Variants in BTBD17 observed in about 807,000 individuals in gnomAD.
BTBD17 encodes BTB domain containing 17.
BTBD17 carries 26 observed loss-of-function variants against 36.9 expected under a neutral mutation model. That is an observed-to-expected ratio of 0.70 (90% CI 0.52 to 0.98). The LOEUF (loss-of-function observed/expected upper bound fraction) is 0.98. Among genes scored for constraint, BTBD17 ranks in the 50% least tolerant of loss-of-function variants. The pLI is 0.00. For synonymous variants in BTBD17, 341 were observed against 338.0 expected (o/e 1.01, Z -0.10); for missense variants, 630 against 691.3 (o/e 0.91, Z 0.99).
At chr17:74,361,549 G>C (rs1023021924) in intron 1 of BTBD17, among the ~76,000 whole-genome samples, 186 bp downstream of exon 1, 8 of 152,170 alleles carry the variant, frequency 5.3e-5, no homozygotes, top group Non-Finnish European at 1.2e-4. Flanking sequence ...TTGTCCTTAA[G>C]AGCCCTGCCC....
upstream of BTBD17, among the ~76,000 whole-genome samples, chr17:74,362,958 G>GCA (rs1442666434): frequency 6.6e-5 from 7 of 106,416 alleles, no homozygotes; most frequent in Admixed American, 4.2e-4. Flanking sequence ...CAGCAAAAGC[G>GCA]CGCGCGCATG....
Position 74,357,659 on chromosome 17 carries a change from G to A in BTBD17, c.435C>T (p.Tyr145=). The change falls in exon 3 of 3, where the codon TAC becomes TAT. Residue 145 remains tyrosine, a synonymous_variant. Transcript: ENST00000375366. This position sits in a 1 kb window ranked among gnomAD's most constrained non-coding sequence, Gnocchi z 8.4. ...AIPLHRLATK[Y]GVSSLQRGVA... The stretch of plus-strand genomic sequence containing the variant: ...CGCCGCGCTGCAGGGAGGACACGCC[G>A]TACTTGGTGGCCAGTCTGTGCAGGG... The A allele has an allele frequency of 1.3e-6, 2 of 1,550,320 alleles. No individual in the cohort carries two copies. The highest frequency in any genetic ancestry group is 1.2e-5 in the South Asian group (1 of 84,246).
At chr17:74,362,698 T>C (rs2054947957), upstream of BTBD17, among the ~76,000 whole-genome samples, 1 of 152,208 alleles carries the variant, frequency 6.6e-6, no homozygotes, top group African/African-American at 2.4e-5. Context: ...TGACTTGAAT[T>C]CTCCTTCCCC....
intron 1 of BTBD17, 113 bp downstream of exon 1, chr17:74,361,622 C>T: frequency 2.5e-6 from 2 of 797,910 alleles, no homozygotes; most frequent in Non-Finnish European, 4.0e-6. Flanking sequence ...CCGGTCCACC[C>T]CGTGCTCTCC....
chr17:74,359,971 G>A lies in BTBD17; in HGVS notation c.360C>T (p.Ile120=). ...QDCAAVFDKF[I]RYLYCGELTV... is the part of the protein sequence containing the mutation. ...CCCCTAGTCTTCCGCGTCCCCACCT[G>A]ATGAACTTGTCGAAGACAGCGGCGC... Residue 120 remains isoleucine, a splice_region_variant and synonymous_variant, in exon 2 of 3, where the codon ATC becomes ATT. Transcript: ENST00000375366. 1 of 1,606,916 alleles carries A rather than the reference G, an allele frequency of 6.2e-7. No homozygotes were observed. The highest frequency in any genetic ancestry group is 8.5e-7 in the Non-Finnish European group (1 of 1,175,512).
At position 74,360,320 on chromosome 17, in the gene BTBD17, C is replaced by T. The variant is rs1487519600; in HGVS notation, c.86-75G>A. The T allele has an allele frequency of 2.1e-6, 3 of 1,458,890 alleles. No individual in the cohort carries two copies. In the Admixed American group the frequency reaches 6.1e-5, roughly 30 times the overall value. The allele number at this position is 1,458,890 out of a possible 1,614,324, so 90.4% of individuals were successfully genotyped here. A position where few individuals can be genotyped will look rare whatever the true frequency, so the allele number is the denominator to read the frequency against. On this transcript the variant is annotated intron_variant, in intron 1 of 2. Transcript: ENST00000375366. Reference sequence around the variant, plus strand: ...AACCTCAGTCAGGGGTGGAGAGGGACCAGCTGGAGACATATGCATGGGTGT... The same window carrying T: ...AACCTCAGTCAGGGGTGGAGAGGGATCAGCTGGAGACATATGCATGGGTGT...
Position 74,357,181 on chromosome 17 carries a change from C to T in BTBD17, c.913G>A (p.Asp305Asn). The T allele has an allele frequency of 1.3e-6, 2 of 1,557,630 alleles. No homozygotes were observed. Among genetic ancestry groups the T allele is most frequent in the Non-Finnish European group, 1.7e-6 (2 of 1,156,626 alleles). ...GGCAGGAAGGCGCTGCCGTTGACGTCGAAGAACTTGGCGTAGTGCAGCGGC... is the reference window on the plus strand; with the variant it reads ...GGCAGGAAGGCGCTGCCGTTGACGTTGAAGAACTTGGCGTAGTGCAGCGGC... ...ASPLHYAKFF[D>N]VNGSAFLPRN... Residue 305 changes from aspartate (D) to asparagine (N), a missense_variant, in exon 3 of 3, where the codon GAC (aspartate) becomes AAC (asparagine). By Grantham distance (23) the Asp-to-Asn change is conservative (BLOSUM62 1). Coordinates refer to ENST00000375366, the MANE Select transcript of BTBD17 (RefSeq NM_001080466.2). This position sits in a 1 kb window ranked among gnomAD's most constrained non-coding sequence, Gnocchi z 8.4.
Position 74,357,175 on chromosome 17 carries a change from TGACGTCGAA to T in BTBD17, c.910_918del (p.Phe304_Val306del). ...TTGCGGGGCAGGAAGGCGCTGCCGTTGACGTCGAAGAACTTGGCGTAGTGCAGCGGCGAC... is the reference window on the plus strand; with the variant it reads ...TTGCGGGGCAGGAAGGCGCTGCCGTTGAACTTGGCGTAGTGCAGCGGCGAC... On this transcript the variant is annotated inframe_deletion, in exon 3 of 3. Coordinates refer to ENST00000375366, the MANE Select transcript of BTBD17 (RefSeq NM_001080466.2). This position sits in a 1 kb window ranked among gnomAD's most constrained non-coding sequence, Gnocchi z 8.4. The T allele has an allele frequency of 6.4e-7, 1 of 1,553,522 alleles. No homozygotes were observed. The highest frequency in any genetic ancestry group is 8.7e-7 in the Non-Finnish European group (1 of 1,154,822).
At chr17:74,362,951 C>CAA (rs2054949085), upstream of BTBD17, among the ~76,000 whole-genome samples, 1 of 130,442 alleles carries the variant, frequency 7.7e-6, no homozygotes, top group Non-Finnish European at 1.6e-5. Context: ...TGGAGCTCAG[C>CAA]AAAAGCGCGC....
In BTBD17 at chr17:74,357,564, AC is replaced by A. The variant is rs1431236625; in HGVS notation, c.529del (p.Val177TrpfsTer32). The stretch of plus-strand genomic sequence containing the variant: ...GCGCAGGGCCTCGTCCCCGGTGCCC[AC>A]CGCGTAGTGGTACCAGCCCACCGCC... ...GPAVGWYHYA[V>X]GTGDEALRES... On this transcript the variant is annotated frameshift_variant, in exon 3 of 3. Coordinates refer to ENST00000375366, the MANE Select transcript of BTBD17 (RefSeq NM_001080466.2). LOFTEE classifies it high-confidence loss of function. The surrounding 1 kb of genome is among the most constrained non-coding windows in gnomAD (Gnocchi z 8.4). The A allele has an allele frequency of 4.5e-6, 7 of 1,553,286 alleles. No homozygotes were observed. Among genetic ancestry groups the A allele is most frequent in the Non-Finnish European group, 6.1e-6 (7 of 1,156,634 alleles).
Position 74,359,997 on chromosome 17 carries a change from A to C in BTBD17, c.334T>G (p.Cys112Gly), listed in dbSNP as rs1465607935. The change falls in exon 2 of 3, where the codon TGC becomes GGC. Residue 112 changes from cysteine to glycine, a missense_variant. By Grantham distance (159) the Cys-to-Gly change is radical. Transcript: ENST00000375366. ...ATGAACTTGTCGAAGACAGCGGCGCAGTCCTGTGGCTCCTGCAGCACCGCC... is the reference window on the plus strand; with the variant it reads ...ATGAACTTGTCGAAGACAGCGGCGCCGTCCTGTGGCTCCTGCAGCACCGCC... ...SEAVLQEPQD[C>G]AAVFDKFIRY... 1 of 1,612,072 alleles carries C rather than the reference A, an allele frequency of 6.2e-7. No homozygotes were observed. Among genetic ancestry groups the C allele is most frequent in the Non-Finnish European group, 8.5e-7 (1 of 1,179,524 alleles).
At position 74,357,781 on chromosome 17, in the gene BTBD17, C is replaced by T; in HGVS notation, c.363-50G>A. The stretch of plus-strand genomic sequence containing the variant: ...GCGGGGTCAGGGCGGTACCCACCTC[C>T]CAGGATAGATTTTTTAGAGTCCACA... On this transcript the variant is annotated intron_variant, in intron 2 of 2. Transcript: ENST00000375366. This position sits in a 1 kb window ranked among gnomAD's most constrained non-coding sequence, Gnocchi z 8.4. 1.4e-6 allele frequency: 2 copies of T among 1,427,358 alleles called. No individual in the cohort carries two copies. The highest frequency in any genetic ancestry group is 1.9e-6 in the Non-Finnish European group (2 of 1,067,846). The allele number at this position is 1,427,358 out of a possible 1,614,324, so 88.4% of individuals were successfully genotyped here.
rs200976425 is a variant in BTBD17, at chr17:74,357,185, G to T, written c.909C>A (p.Phe303Leu). 4.5e-6 allele frequency: 7 copies of T among 1,561,194 alleles called. No homozygotes were observed. In the Admixed American group the frequency reaches 1.1e-4, roughly 25 times the overall value. The stretch of plus-strand genomic sequence containing the variant: ...GGAAGGCGCTGCCGTTGACGTCGAA[G>T]AACTTGGCGTAGTGCAGCGGCGACG... ...HAASPLHYAK[F>L]FDVNGSAFLP... Residue 303 changes from phenylalanine to leucine, a missense_variant, in exon 3 of 3, where the codon TTC (phenylalanine) becomes TTA (leucine). Physicochemically the swap from Phe to Leu is conservative, Grantham distance 22 (BLOSUM62 0). Transcript: ENST00000375366. The surrounding 1 kb of genome is among the most constrained non-coding windows in gnomAD (Gnocchi z 8.4).
chr17:74,357,789 GATTTTTTA>G lies in BTBD17; in HGVS notation c.363-66_363-59del, dbSNP rs2054909740. ...AGGGCGGTACCCACCTCCCAGGATA[GATTTTTTA>G]GAGTCCACAGGGGACCCGGCCTGGA... is the stretch of plus-strand genomic sequence containing the variant. On this transcript the variant is annotated intron_variant, in intron 2 of 2. Coordinates refer to ENST00000375366, the MANE Select transcript of BTBD17 (RefSeq NM_001080466.2). The surrounding 1 kb of genome is among the most constrained non-coding windows in gnomAD (Gnocchi z 8.4). The G allele has an allele frequency of 7.2e-7, 1 of 1,393,982 alleles. No homozygotes were observed. The highest frequency in any genetic ancestry group is 1.5e-5 in the African/African-American group (1 of 68,586). 86.4% of individuals were successfully genotyped at this position (1,393,982 alleles called of 1,614,324 possible).
In BTBD17 at chr17:74,357,567, G is replaced by A. The variant is rs1297469183; in HGVS notation, c.527C>T (p.Ala176Val). The A allele has an allele frequency of 1.9e-6, 3 of 1,554,434 alleles. No individual in the cohort carries two copies. Among genetic ancestry groups the A allele is most frequent in the South Asian group, 1.2e-5 (1 of 85,534 alleles). ...CAGGGCCTCGTCCCCGGTGCCCACC[G>A]CGTAGTGGTACCAGCCCACCGCCGG... ...AGPAVGWYHY[A>V]VGTGDEALRE... Residue 176 changes from alanine to valine, a missense_variant, in exon 3 of 3, where the codon GCG becomes GTG. Coordinates refer to ENST00000375366, the MANE Select transcript of BTBD17 (RefSeq NM_001080466.2). This position sits in a 1 kb window ranked among gnomAD's most constrained non-coding sequence, Gnocchi z 8.4.
Position 74,357,015 on chromosome 17 carries a change from A to G in BTBD17, c.1079T>C (p.Phe360Ser). ...AGRRVTWNVL[F>S]SPRWLPVSLR... ...GCTGACGGGCAGCCAGCGCGGCGAGAAGAGCACGTTCCAGGTGACCCGGCG... is the reference window on the plus strand; with the variant it reads ...GCTGACGGGCAGCCAGCGCGGCGAGGAGAGCACGTTCCAGGTGACCCGGCG... The change falls in exon 3 of 3, where the codon TTC (phenylalanine) becomes TCC (serine). Residue 360 changes from phenylalanine (F) to serine (S), a missense_variant. By Grantham distance (155) the Phe-to-Ser change is radical (BLOSUM62 -2). Transcript: ENST00000375366. This position sits in a 1 kb window ranked among gnomAD's most constrained non-coding sequence, Gnocchi z 8.4. 6.6e-7 allele frequency: 1 copy of G among 1,513,886 alleles called. No individual in the cohort carries two copies. The highest frequency in any genetic ancestry group is 8.8e-7 in the Non-Finnish European group (1 of 1,142,818). The allele number at this position is 1,513,886 out of a possible 1,614,324, so 93.8% of individuals were successfully genotyped here.
chr17:74,359,882 A>C (rs2054924751), intron 2 of BTBD17, 87 bp downstream of exon 2: 1 of 1,403,308 alleles, frequency 7.1e-7, no homozygotes, highest in African/African-American at 1.4e-5. Flanking sequence ...ACAACCTCTA[A>C]GGGCCTGGGC....
chr17:74,360,270 AG>A (rs2054929422), intron 1 of BTBD17, 25 bp from the exon 2 acceptor site: 2 of 1,580,176 alleles, frequency 1.3e-6, no homozygotes, highest in Admixed American at 1.7e-5. Flanking sequence ...AACACAGCAT[AG>A]CCTGAGAAGG....
rs758153330 is a variant in BTBD17, at chr17:74,357,640, G to T, written c.454C>A (p.Arg152Ser). ...GCGCGCATGTAGTCGGCCACGCCGC[G>T]CTGCAGGGAGGACACGCCGTACTTG... is the stretch of plus-strand genomic sequence containing the variant. ...ATKYGVSSLQ[R>S]GVADYMRAHL... is the part of the protein sequence containing the mutation. The change falls in exon 3 of 3, where the codon CGC becomes AGC. Residue 152 changes from arginine to serine, a missense_variant. Coordinates refer to ENST00000375366, the MANE Select transcript of BTBD17 (RefSeq NM_001080466.2). This position sits in a 1 kb window ranked among gnomAD's most constrained non-coding sequence, Gnocchi z 8.4. 3 of 1,549,536 alleles carry T rather than the reference G, an allele frequency of 1.9e-6. No homozygotes were observed. In the South Asian group the frequency reaches 3.6e-5, roughly 18 times the overall value.
Sources: gnomAD v4.1 joint callset for allele counts (sites outside exome capture counted in the v4.1 genomes callset) on GRCh38, gnomAD v4.1.1 for gene constraint, Gnocchi (gnomAD v3.1) non-coding constraint, MANE v1.5 for transcripts, NCBI Gene and HGNC (gene_info 2026-07-23, HGNC 2026-07-21) for gene names.